The following CADM2 variants were observed in gnomAD, a reference collection of about 807,000 sequenced individuals.
CADM2 encodes the protein immunoglobulin superfamily member 4D.
CADM2 carries 12 observed loss-of-function variants against 49.8 expected under a neutral mutation model. The observed-to-expected ratio is 0.24, with a 90% confidence interval of 0.15 to 0.39. The LOEUF (loss-of-function observed/expected upper bound fraction) is 0.39. Among genes scored for constraint, CADM2 ranks in the 10% least tolerant of loss-of-function variants. CADM2 has a pLI of 1.00. For missense variants in CADM2, 378 were observed against 492.3 expected (o/e 0.77, Z 2.20); for synonymous variants, 214 against 175.4 (o/e 1.22, Z -1.74).
chr3:85,490,654 T>C (rs2039633090), intron 1 of CADM2, among the ~76,000 whole-genome samples: 1 of 152,130 alleles, frequency 6.6e-6, no homozygotes, highest in Non-Finnish European at 1.5e-5. Flanking sequence ...TTTCACTAAA[T>C]AGTCTTCTTA....
Position 85,405,098 on chromosome 3 carries a change from G to T in CADM2, c.62-321424G>T, listed in dbSNP as rs1229391481. Among the ~76,000 whole-genome samples the T allele has an allele frequency of 2.0e-5, 3 of 152,070 alleles. No homozygotes were observed. The East Asian group carries it at 5.8e-4, about 29-fold the overall frequency. ...GTTCAGAAATTTCCAGTATTTAAAT[G>T]CATAATACTGTGAAGAACTTGAGAA... On this transcript the variant is annotated intron_variant, in intron 1 of 9. Coordinates refer to ENST00000383699, the MANE Select transcript of CADM2 (RefSeq NM_001167675.2).
chr3:85,538,361 A>G (rs1223057781), intron 1 of CADM2, among the ~76,000 whole-genome samples: 1 of 152,124 alleles, frequency 6.6e-6, no homozygotes, highest in East Asian at 1.9e-4. Context: ...CATTAGATCC[A>G]TGACACAGGT....
At chr3:85,365,182 G>GATTTTTTTTTTTTTTTTTTTTTTTTT (rs1559802006) in intron 1 of CADM2, among the ~76,000 whole-genome samples, 1 of 100,584 alleles carries the variant, frequency 9.9e-6, no homozygotes, top group Non-Finnish European at 2.0e-5. Flanking sequence ...AATTGGGAGG[G>GATTTTTTTTTTTTTTTTTTTTTTTTT]TTTTTTTTTT....
At chr3:85,688,362 C>T (rs1354753955) in intron 1 of CADM2, among the ~76,000 whole-genome samples, 1 of 152,088 alleles carries the variant, frequency 6.6e-6, no homozygotes, top group Non-Finnish European at 1.5e-5. Context: ...AGATGCCTCA[C>T]ATCATTACTC....
intron 3 of CADM2, among the ~76,000 whole-genome samples, chr3:85,809,786 C>CTCTT (rs1553690294): frequency 1.2e-5 from 1 of 82,230 alleles, no homozygotes; most frequent in Non-Finnish European, 2.4e-5. Context: ...CTCTCTCTCT[C>CTCTT]TCTCTCTTTC....
chr3:85,505,754 T>A (rs2040322717), intron 1 of CADM2, among the ~76,000 whole-genome samples: 1 of 152,198 alleles, frequency 6.6e-6, no homozygotes, highest in Non-Finnish European at 1.5e-5. Flanking sequence ...AATTAATTGA[T>A]CAAGAGTGTT....
At chr3:85,099,072 A>G (rs1417315193) in intron 1 of CADM2, among the ~76,000 whole-genome samples, 1 of 152,196 alleles carries the variant, frequency 6.6e-6, no homozygotes, top group African/African-American at 2.4e-5. Flanking sequence ...CTGGTATAGA[A>G]CAGAGAATGT....
chr3:85,600,738 GAATT>G (rs1057453260), intron 1 of CADM2, among the ~76,000 whole-genome samples: 7 of 151,410 alleles, frequency 4.6e-5, no homozygotes, highest in Non-Finnish European at 8.9e-5. Context: ...GAATCAGTAT[GAATT>G]GTTTTAAAAT....
Position 85,367,835 on chromosome 3 carries a change from G to A in CADM2, c.62-358687G>A, listed in dbSNP as rs199737471. On this transcript the variant is annotated intron_variant, in intron 1 of 9. Coordinates refer to ENST00000383699, the MANE Select transcript of CADM2 (RefSeq NM_001167675.2). ...TACATATATATATATACATATATAT[G>A]TGTGTGTGTGTGTGTGTGTGTGTAC... Among the ~76,000 whole-genome samples, 7 of 12,724 alleles carry A rather than the reference G, an allele frequency of 5.5e-4. No individual in the cohort carries two copies. In the Non-Finnish European group the frequency reaches 0.012, roughly 22 times the overall value. The allele number at this position is 12,724 out of a possible 152,430, so 8.3% of individuals were successfully genotyped here. A position where few individuals can be genotyped will look rare whatever the true frequency, so the allele number is the denominator to read the frequency against.
intron 1 of CADM2, among the ~76,000 whole-genome samples, chr3:85,600,280 A>G (rs2107388841): frequency 6.6e-6 from 1 of 152,044 alleles, no homozygotes; most frequent in African/African-American, 2.4e-5. Context: ...AGGCTTTTTC[A>G]GGTGAACTAG....
intron 6 of CADM2, among the ~76,000 whole-genome samples, chr3:85,916,635 T>A (rs1326109374): frequency 6.6e-6 from 1 of 152,092 alleles, no homozygotes; most frequent in East Asian, 1.9e-4. Flanking sequence ...TAAACATACG[T>A]GTGCATGTGT....
chr3:85,505,045 G>A (rs2040278279), intron 1 of CADM2, among the ~76,000 whole-genome samples: 2 of 152,112 alleles, frequency 1.3e-5, no homozygotes, highest in Admixed American at 6.5e-5. Flanking sequence ...CCCGGTTCCC[G>A]CTGGCGCCTC....
chr3:85,232,031 G>A (rs2042303092), intron 1 of CADM2, among the ~76,000 whole-genome samples: 1 of 151,556 alleles, frequency 6.6e-6, no homozygotes, highest in Admixed American at 6.6e-5. Flanking sequence ...TTCTAAAGGT[G>A]ATAAAACTTA....
chr3:85,341,871 C>T (rs948209829), intron 1 of CADM2, among the ~76,000 whole-genome samples: 3 of 152,042 alleles, frequency 2.0e-5, no homozygotes, highest in Non-Finnish European at 4.4e-5. Flanking sequence ...TTGAACCACA[C>T]ACTTTGTTTC....
At chr3:85,108,738 G>A (rs1245947852) in intron 1 of CADM2, among the ~76,000 whole-genome samples, 2 of 151,916 alleles carry the variant, frequency 1.3e-5, no homozygotes, top group South Asian at 2.1e-4. Flanking sequence ...ATAGATAGAA[G>A]GGATGTAAAC....
intron 8 of CADM2, among the ~76,000 whole-genome samples, chr3:86,023,881 C>A (rs1317185947): frequency 6.6e-5 from 10 of 152,122 alleles, no homozygotes; most frequent in Non-Finnish European, 1.5e-4. Context: ...AAGAAAAATT[C>A]TGAAGAATTC....
At chr3:85,481,805 C>A (rs1021273117) in intron 1 of CADM2, among the ~76,000 whole-genome samples, 28 of 150,288 alleles carry the variant, frequency 1.9e-4, no homozygotes, top group Non-Finnish European at 3.4e-4. Flanking sequence ...AAAAGAACTT[C>A]ATTCTTGGTT....
chr3:85,057,943 T>A (rs2107431981), intron 1 of CADM2, among the ~76,000 whole-genome samples: 1 of 152,342 alleles, frequency 6.6e-6, no homozygotes, highest in South Asian at 2.1e-4. Flanking sequence ...TAAAATATTT[T>A]ACTGTAGAAT....
intron 1 of CADM2, among the ~76,000 whole-genome samples, chr3:85,563,411 T>TGTGTGG (rs138726875): frequency 2.1e-5 from 3 of 142,044 alleles, no homozygotes; most frequent in Non-Finnish European, 3.1e-5. Context: ...TGTGTGTGTG[T>TGTGTGG]GGGGGGGTGG....
Sources: gnomAD v4.1 joint callset for allele counts (sites outside exome capture counted in the v4.1 genomes callset) on GRCh38, gnomAD v4.1.1 for gene constraint, MANE v1.5 for transcripts, NCBI Gene and HGNC (gene_info 2026-07-23, HGNC 2026-07-21) for gene names.